The following ACTR3C variants were observed in gnomAD, a reference collection of about 807,000 sequenced individuals.
ACTR3C encodes actin-related protein 3C.
ACTR3C carries 18 observed loss-of-function variants against 26.3 expected under a neutral mutation model. That is an observed-to-expected ratio of 0.68 (90% CI 0.47 to 1.01). The LOEUF is 1.01. Ranked by LOEUF, ACTR3C falls within the 50% of genes least tolerant of loss-of-function variation. ACTR3C has a pLI of 0.00. For synonymous variants in ACTR3C, 55 were observed against 94.5 expected (o/e 0.58, Z 2.42); for missense variants, 184 against 250.7 (o/e 0.73, Z 1.80).
chr7:150,315,177 G>A (rs1309057279), intron 1 of ACTR3C, among the ~76,000 whole-genome samples: 3 of 149,800 alleles, frequency 2.0e-5, no homozygotes, highest in African/African-American at 7.3e-5. Flanking sequence ...AAGTGATGAA[G>A]TAGGCAAAGA....
chr7:149,945,080 G>C, the ACTR3C span, among the ~76,000 whole-genome samples: 11 of 151,828 alleles, frequency 7.2e-5, no homozygotes, highest in African/African-American at 2.4e-4. Flanking sequence ...CCTTAGGTCA[G>C]GTTCCCCAGA....
chr7:150,038,838 CCAGTGGGGG>C, the ACTR3C span, among the ~76,000 whole-genome samples: 7 of 139,078 alleles, frequency 5.0e-5, no homozygotes, highest in African/African-American at 8.4e-5. Context: ...GTCCTAAGAG[CCAGTGGGGG>C]AACCAGGGGC....
the ACTR3C span, among the ~76,000 whole-genome samples, chr7:150,042,310 A>C: frequency 2.4e-5 from 1 of 42,220 alleles, no homozygotes; most frequent in South Asian, 9.6e-4. Flanking sequence ...CAGGGGGGGA[A>C]GAGGGACTGG....
At chr7:150,142,740 G>A in the ACTR3C span, among the ~76,000 whole-genome samples, 1 of 152,070 alleles carries the variant, frequency 6.6e-6, no homozygotes, top group South Asian at 2.1e-4. Flanking sequence ...TGCTGGCCAG[G>A]CTGGTCTTGA....
At chr7:149,919,429 C>A in the ACTR3C span, among the ~76,000 whole-genome samples, 1 of 151,820 alleles carries the variant, frequency 6.6e-6, no homozygotes, top group Non-Finnish European at 1.5e-5. Flanking sequence ...TTAGTAGAGA[C>A]GGGGTTTCAC....
At chr7:150,041,688 A>G in the ACTR3C span, among the ~76,000 whole-genome samples, 3,673 of 75,602 alleles carry the variant, frequency 0.049, 98 homozygotes, top group Non-Finnish European at 0.06. Context: ...AGAGGGGATA[A>G]CTCTCAGTCC....
chr7:150,056,401 T>A, the ACTR3C span, among the ~76,000 whole-genome samples: 2 of 152,198 alleles, frequency 1.3e-5, no homozygotes, highest in Admixed American at 6.5e-5. Flanking sequence ...GGACTGTAAC[T>A]TTATCAGCAC....
the ACTR3C span, among the ~76,000 whole-genome samples, chr7:150,034,222 A>G: frequency 6.6e-6 from 1 of 151,838 alleles, no homozygotes; most frequent in Non-Finnish European, 1.5e-5. Context: ...AGTTGCTGCC[A>G]AGGCCCTCAA....
chr7:150,085,205 C>A, the ACTR3C span, among the ~76,000 whole-genome samples: 2 of 152,110 alleles, frequency 1.3e-5, no homozygotes, highest in African/African-American at 4.8e-5. Flanking sequence ...ACTGAGTTTG[C>A]AGTTCACTTA....
the ACTR3C span, among the ~76,000 whole-genome samples, chr7:149,997,940 G>C: frequency 6.7e-6 from 1 of 150,138 alleles, no homozygotes; most frequent in South Asian, 2.1e-4. Flanking sequence ...TTTAGAAGTG[G>C]ACATTTACTA....
the ACTR3C span, among the ~76,000 whole-genome samples, chr7:150,005,501 T>A: frequency 6.6e-6 from 1 of 151,842 alleles, no homozygotes; most frequent in East Asian, 1.9e-4. Context: ...TGCTGGGTAG[T>A]GAATGTCCAC....
the ACTR3C span, among the ~76,000 whole-genome samples, chr7:150,159,802 G>GT: frequency 2.0e-5 from 3 of 150,620 alleles, no homozygotes; most frequent in Non-Finnish European, 2.9e-5. Flanking sequence ...TTGTTTGTTT[G>GT]TTTTTTTGTT....
chr7:150,141,484 T>C, the ACTR3C span, among the ~76,000 whole-genome samples: 1 of 151,300 alleles, frequency 6.6e-6, no homozygotes, highest in Admixed American at 6.6e-5. Context: ...AATTCTGTGG[T>C]GCTGAAGTCA....
chr7:149,958,638 T>C, the ACTR3C span, among the ~76,000 whole-genome samples: 1 of 152,184 alleles, frequency 6.6e-6, no homozygotes, highest in South Asian at 2.1e-4. Flanking sequence ...TGGAGAAGTG[T>C]GTTTATTGGC....
chr7:149,994,797 CGAAG>C, the ACTR3C span, among the ~76,000 whole-genome samples: 2 of 149,388 alleles, frequency 1.3e-5, no homozygotes, highest in East Asian at 1.9e-4. Context: ...GAATGAGTGA[CGAAG>C]GAAGAAGTGA....
the ACTR3C span, among the ~76,000 whole-genome samples, chr7:150,016,750 T>C: frequency 2.0e-5 from 3 of 151,974 alleles, no homozygotes; most frequent in Non-Finnish European, 4.4e-5. Context: ...TTATATACCA[T>C]AGGGAAAAGC....
At chr7:150,139,229 A>T in the ACTR3C span, among the ~76,000 whole-genome samples, 38 of 152,376 alleles carry the variant, frequency 2.5e-4, no homozygotes, top group South Asian at 2.7e-3. Context: ...GGTCACAGAT[A>T]AACTCACAGA....
chr7:150,018,876 T>G, the ACTR3C span, among the ~76,000 whole-genome samples: 4 of 148,992 alleles, frequency 2.7e-5, no homozygotes, highest in Admixed American at 1.3e-4. Context: ...ATCTTCAAGG[T>G]GAAAGATATA....
chr7:149,951,585 T>C, the ACTR3C span, among the ~76,000 whole-genome samples: 1 of 152,046 alleles, frequency 6.6e-6, no homozygotes, highest in Non-Finnish European at 1.5e-5. Flanking sequence ...CCCCAGGCAG[T>C]TCATGACAAG....
Sources: allele counts gnomAD v4.1 joint callset (sites outside exome capture counted in the v4.1 genomes callset), GRCh38; gene constraint gnomAD v4.1.1; transcripts MANE v1.5; gene names NCBI Gene and HGNC (gene_info 2026-07-23, HGNC 2026-07-21).